The following PLD2 variants were observed in gnomAD, a reference collection of about 807,000 sequenced individuals.
The protein encoded by PLD2 is phospholipase D2, also known as choline phosphatase 2.
Under a neutral mutation model 119.8 loss-of-function variants are expected in PLD2, and 101 were observed. The observed-to-expected ratio is 0.84, with a 90% confidence interval of 0.72 to 0.99. PLD2 has a LOEUF of 0.99. PLD2 is among the 50% of genes least tolerant of loss of function. The pLI is 0.00. For synonymous variants in PLD2, 494 were observed against 482.8 expected (o/e 1.02, Z -0.30); for missense variants, 1,164 against 1,226.8 (o/e 0.95, Z 0.76).
In PLD2 at chr17:4,818,898, TG is replaced by T. The variant is rs1007827336; in HGVS notation, c.2173+80del. On this transcript the variant is annotated intron_variant, in intron 21 of 24. Transcript: ENST00000263088. ...GATTGGGGCGCTGCAGGCCTGGGGG[TG>T]GGGGAAGGAGGCTGTCACTCCTGTG... 9 of 1,525,112 alleles carry T rather than the reference TG, an allele frequency of 5.9e-6. No homozygotes were observed. In the African/African-American group the frequency reaches 1.1e-4, roughly 19 times the overall value. The allele number at this position is 1,525,112 out of a possible 1,614,324, so 94.5% of individuals were successfully genotyped here. A position where few individuals can be genotyped will look rare whatever the true frequency, so the allele number is the denominator to read the frequency against.
At chr17:4,820,829 G>A (rs9635707) in intron 23 of PLD2, among the ~76,000 whole-genome samples, 57,404 of 148,652 alleles carry the variant, frequency 0.39, 12,689 homozygotes, top group Non-Finnish European at 0.52. Context: ...GCCCGCCTCC[G>A]CCTCCCAAAG....
At chr17:4,809,606 C>G in intron 7 of PLD2, 55 bp downstream of exon 7, 1 of 1,608,792 alleles carries the variant, frequency 6.2e-7, no homozygotes. Context: ...CTTAATTTCT[C>G]CCTGCCTGAG....
At position 4,819,289 on chromosome 17, in the gene PLD2, A is replaced by T. The variant is rs1455153936; in HGVS notation, c.2308+71A>T. 1 of 1,601,662 alleles carries T rather than the reference A, an allele frequency of 6.2e-7. No homozygotes were observed. The highest frequency in any genetic ancestry group is 1.3e-5 in the African/African-American group (1 of 74,736). ...AGGCGAAGAGATGAGAGGCAGGATG[A>T]CAGAGACTGCAGCTGAGGCTCGTGT... On this transcript the variant is annotated intron_variant, in intron 22 of 24. Transcript: ENST00000263088. This position sits in a 1 kb window ranked among gnomAD's most constrained non-coding sequence, Gnocchi z 4.2.
rs1057138148 is a variant in PLD2, at chr17:4,808,987, C to G, written c.384-113C>G. On this transcript the variant is annotated intron_variant, in intron 4 of 24. Transcript: ENST00000263088. This position sits in a 1 kb window ranked among gnomAD's most constrained non-coding sequence, Gnocchi z 4.1. ...GGGATTCCAGGCGTGAGCCACCACG[C>G]CTGGCCACCTCCAGGCCTCTTCTTT... 5.0e-6 allele frequency: 4 copies of G among 807,024 alleles called. No homozygotes were observed. Among genetic ancestry groups the G allele is most frequent in the African/African-American group, 3.4e-5 (2 of 58,828 alleles). The allele number at this position is 807,024 out of a possible 1,614,324, so 50.0% of individuals were successfully genotyped here.
Position 4,817,028 on chromosome 17 carries a change from C to A in PLD2, c.1674C>A (p.His558Gln). 1 of 1,613,902 alleles carries A rather than the reference C, an allele frequency of 6.2e-7. No individual in the cohort carries two copies. The highest frequency in any genetic ancestry group is 1.3e-5 in the African/African-American group (1 of 75,058). Residue 558 changes from histidine (H) to glutamine (Q), a missense_variant, in exon 16 of 25, where the codon CAC (histidine) becomes CAA (glutamine). By Grantham distance (24) the His-to-Gln change is conservative (BLOSUM62 0). Transcript: ENST00000263088. ...HGLPARDLAR[H>Q]FIQRWNFTKT... ...TACCGGCCCGGGACCTTGCCCGGCACTTCATCCAGCGCTGGAACTTCACCA... is the reference window on the plus strand; with the variant it reads ...TACCGGCCCGGGACCTTGCCCGGCAATTCATCCAGCGCTGGAACTTCACCA...
rs1159309763 is a variant in PLD2 at position 4,808,263 on chromosome 17, C to T, written c.241-11C>T. The stretch of plus-strand genomic sequence containing the variant: ...CGCAGGGGACATCCATTCAGTTCCT[C>T]ATACCCCTAGGTGGGAACCTGCACT... On this transcript the variant is annotated splice_polypyrimidine_tract_variant and intron_variant, in intron 3 of 24. Coordinates refer to ENST00000263088, the MANE Select transcript of PLD2 (RefSeq NM_002663.5). The surrounding 1 kb of genome is among the most constrained non-coding windows in gnomAD (Gnocchi z 4.1). The T allele has an allele frequency of 5.6e-6, 9 of 1,613,514 alleles. No individual in the cohort carries two copies. Among genetic ancestry groups the T allele is most frequent in the Admixed American group, 1.7e-5 (1 of 59,994 alleles).
intron 24 of PLD2, 70 bp downstream of exon 24, chr17:4,821,977 TGGAGAG>T: frequency 2.1e-6 from 2 of 956,800 alleles, no homozygotes; most frequent in Non-Finnish European, 3.4e-6. Context: ...CAGGGTAGGA[TGGAGAG>T]AAGCGCCACC....
rs1286403162 is a variant in PLD2 at position 4,818,381 on chromosome 17, C to A, written c.2005C>A (p.His669Asn). 40 of 1,613,918 alleles carry A rather than the reference C, an allele frequency of 2.5e-5. No homozygotes were observed. The highest frequency in any genetic ancestry group is 3.4e-5 in the Non-Finnish European group (40 of 1,179,870). ...GATTGTGGACAGAATCCTGAAGGCC[C>A]ACAAGTAAGGTGGACTGTCAGGAAG... ...DEIVDRILKAHKQGWCYRVYV... is the reference protein window; with the variant it reads ...DEIVDRILKANKQGWCYRVYV... The change falls in exon 19 of 25, where the codon CAC (histidine) becomes AAC (asparagine). Residue 669 changes from histidine to asparagine, a missense_variant. By Grantham distance (68) the His-to-Asn change is moderately conservative (BLOSUM62 1). Transcript: ENST00000263088.
At chr17:4,812,507 A>G (rs954893765) in intron 10 of PLD2, among the ~76,000 whole-genome samples, 1 of 151,360 alleles carries the variant, frequency 6.6e-6, no homozygotes, top group Non-Finnish European at 1.5e-5. Flanking sequence ...GTTGGCCAGG[A>G]TGGTCTCGAT....
chr17:4,807,562 A>C lies in PLD2; in HGVS notation c.-1-210A>C. On this transcript the variant is annotated intron_variant, in intron 1 of 24. Transcript: ENST00000263088. This position sits in a 1 kb window ranked among gnomAD's most constrained non-coding sequence, Gnocchi z 5.4. ...GACGGGGCGGGGGGCGGGGGGCGGG[A>C]CTGGGATTGTGGATGAAGGACTAAG... The C allele has an allele frequency of 3.6e-5, 12 of 335,122 alleles. No individual in the cohort carries two copies. The highest frequency in any genetic ancestry group is 5.0e-5 in the Non-Finnish European group (9 of 181,640). The allele number at this position is 335,122 out of a possible 1,614,324, so 20.8% of individuals were successfully genotyped here. A position where few individuals can be genotyped will look rare whatever the true frequency, so the allele number is the denominator to read the frequency against.
At chr17:4,818,190 G>T in intron 18 of PLD2, 84 bp downstream of exon 18, 1 of 1,413,548 alleles carries the variant, frequency 7.1e-7, no homozygotes. Flanking sequence ...CAGTCATTGA[G>T]GGCTGGTGGA....
chr17:4,818,865 G>A (rs1172904089), intron 21 of PLD2, 42 bp downstream of exon 21: 3 of 1,599,766 alleles, frequency 1.9e-6, no homozygotes, highest in Admixed American at 1.7e-5. Context: ...GGGCCCCTGG[G>A]AGAGGGAGAT....
chr17:4,815,426 G>A (rs773172815), intron 12 of PLD2, 50 bp from the exon 13 acceptor site: 25 of 1,109,052 alleles, frequency 2.3e-5, no homozygotes, highest in South Asian at 1.6e-4. Context: ...GTGTGGAAAG[G>A]GGCTACTCTG....
In PLD2 at chr17:4,810,309, A is replaced by G. The variant is rs558326607; in HGVS notation, c.860+280A>G. Among the ~76,000 whole-genome samples, 385 of 152,302 alleles carry G rather than the reference A, an allele frequency of 2.5e-3. 7 individuals are homozygous for G. The highest frequency in any genetic ancestry group is 7.2e-4 in the Non-Finnish European group (49 of 68,020). ...CATTCAACAAACCCGAGTGCCTGGT[A>G]CAATACTGGTTGCTGATGCAATACT... On this transcript the variant is annotated intron_variant, in intron 9 of 24. Coordinates refer to ENST00000263088, the MANE Select transcript of PLD2 (RefSeq NM_002663.5).
chr17:4,816,027 C>A, intron 14 of PLD2, 93 bp downstream of exon 14: 1 of 929,996 alleles, frequency 1.1e-6, no homozygotes, highest in Non-Finnish European at 1.7e-6. Flanking sequence ...CTCAGTCATT[C>A]CAGGCCCTGC....
chr17:4,815,443 G>C (rs1360477659), intron 12 of PLD2, 33 bp from the exon 13 acceptor site: 4 of 1,279,936 alleles, frequency 3.1e-6, no homozygotes, highest in Non-Finnish European at 4.6e-6. Context: ...TCTGGGAGAG[G>C]CACTAGGATC....
At chr17:4,820,287 G>A (rs1397346809) in intron 23 of PLD2, among the ~76,000 whole-genome samples, 4 of 148,206 alleles carry the variant, frequency 2.7e-5, no homozygotes, top group Admixed American at 6.8e-5. Flanking sequence ...TTGTTGTTGA[G>A]ACACGGTTTC....
rs780032984 is a variant in PLD2 at position 4,818,125 on chromosome 17, G to C, written c.1920+19G>C. 1.5e-5 allele frequency: 24 copies of C among 1,577,558 alleles called. No homozygotes were observed. Among genetic ancestry groups the C allele is most frequent in the Middle Eastern group, 1.7e-4 (1 of 6,014 alleles). On this transcript the variant is annotated intron_variant, in intron 18 of 24. Coordinates refer to ENST00000263088, the MANE Select transcript of PLD2 (RefSeq NM_002663.5). The stretch of plus-strand genomic sequence containing the variant: ...CATTGAGGTCTGACTGGGAGGAGGT[G>C]GGGGAGAGCATGGAAGGGGTGTCCC...
At chr17:4,821,978 G>A (rs1907722286) in intron 24 of PLD2, 71 bp downstream of exon 24, 2 of 926,096 alleles carry the variant, frequency 2.2e-6, no homozygotes, top group Admixed American at 1.8e-5. Context: ...AGGGTAGGAT[G>A]GAGAGAAGCG....
Sources: gnomAD v4.1 joint callset for allele counts (sites outside exome capture counted in the v4.1 genomes callset) on GRCh38, gnomAD v4.1.1 for gene constraint, Gnocchi (gnomAD v3.1) non-coding constraint, MANE v1.5 for transcripts, NCBI Gene and HGNC (gene_info 2026-07-23, HGNC 2026-07-21) for gene names.